The following TVP23A variants were observed in gnomAD, a reference collection of about 807,000 sequenced individuals.
TVP23A encodes trans-golgi network vesicle protein 23 homolog A.
In TVP23A, 21 loss-of-function variants were observed where a neutral mutation model predicts 31.7. The ratio of observed to expected loss-of-function variants is 0.66; its 90% CI spans 0.47 to 0.95. The LOEUF is 0.95. Among genes scored for constraint, TVP23A ranks in the 40% least tolerant of loss-of-function variants. The pLI is 0.00. For missense variants in TVP23A, 279 were observed against 255.6 expected (o/e 1.09, Z -0.62); for synonymous variants, 104 against 96.0 (o/e 1.08, Z -0.49).
At chr16:10,758,967 C>T (rs995635844), downstream of TVP23A, among the ~76,000 whole-genome samples, 2 of 152,190 alleles carry the variant, frequency 1.3e-5, no homozygotes, top group African/African-American at 4.8e-5. Context: ...TGGTGCTATC[C>T]ATCTCAGGGG....
intron 5 of TVP23A, 33 bp downstream of exon 5, chr16:10,773,280 C>A: frequency 6.4e-7 from 1 of 1,568,798 alleles, no homozygotes; most frequent in South Asian, 1.2e-5. Flanking sequence ...GCAGAGACAT[C>A]AAAGCAATGT....
downstream of TVP23A, among the ~76,000 whole-genome samples, chr16:10,758,881 G>A (rs1900751548): frequency 6.6e-6 from 1 of 152,176 alleles, no homozygotes; most frequent in African/African-American, 2.4e-5. Context: ...GGCCCATGGT[G>A]AGCCCGAGCT....
chr16:10,809,244 A>C (rs1470494905), intron 2 of TVP23A, among the ~76,000 whole-genome samples: 1 of 152,196 alleles, frequency 6.6e-6, no homozygotes, highest in Non-Finnish European at 1.5e-5. Flanking sequence ...GGTACCCAGA[A>C]GGTGTCATGG....
chr16:10,773,890 C>A, intron 4 of TVP23A, 149 bp downstream of exon 4: 2 of 656,268 alleles, frequency 3.0e-6, no homozygotes, highest in Admixed American at 5.8e-5. Flanking sequence ...GACACTTTTG[C>A]CACACCCATG....
At position 10,779,863 on chromosome 16, in the gene TVP23A, C is replaced by T. The variant is rs371186264; in HGVS notation, c.90-4767G>A. ...CAGCCCTTTGGGAAGCTGAGGCAGG[C>T]AGATCACTTGAGCTCAGGAGTTCGA... On this transcript the variant is annotated intron_variant, in intron 2 of 7. Transcript: ENST00000299866. This position sits in a 1 kb window ranked among gnomAD's most constrained non-coding sequence, Gnocchi z 4.9. Among the ~76,000 whole-genome samples, 33 of 152,242 alleles carry T rather than the reference C, an allele frequency of 2.2e-4. No individual in the cohort carries two copies. The highest frequency in any genetic ancestry group is 7.9e-4 in the African/African-American group (33 of 41,534).
In TVP23A at chr16:10,774,086, G is replaced by T; in HGVS notation, c.277C>A (p.Gln93Lys). ...TGGCTCTTCCCATCTTCATCTATCTGGTTCCACCATCGAAGGCCCACCAGG... is the reference window on the plus strand; with the variant it reads ...TGGCTCTTCCCATCTTCATCTATCTTGTTCCACCATCGAAGGCCCACCAGG... ...RLLVGLRWWN[Q>K]IDEDGKSHWI... Residue 93 changes from glutamine (Q) to lysine (K), a missense_variant, in exon 4 of 8, where the codon CAG becomes AAG. Coordinates refer to ENST00000299866, the MANE Select transcript of TVP23A (RefSeq NM_001079512.4). The T allele has an allele frequency of 6.2e-7, 1 of 1,611,980 alleles. No homozygotes were observed. The highest frequency in any genetic ancestry group is 2.2e-5 in the East Asian group (1 of 44,860).
chr16:10,759,640 G>T (rs1900802717), downstream of TVP23A, among the ~76,000 whole-genome samples: 1 of 152,164 alleles, frequency 6.6e-6, no homozygotes, highest in Admixed American at 6.5e-5. This position sits in a 1 kb window ranked among gnomAD's most constrained non-coding sequence, Gnocchi z 4.7. Context: ...GCCAGGCGTG[G>T]TGGTGGGCAC....
At position 10,775,040 on chromosome 16, in the gene TVP23A, T is replaced by C; in HGVS notation, c.146A>G (p.Tyr49Cys). The change falls in exon 3 of 8, where the codon TAC (tyrosine) becomes TGC (cysteine). Residue 49 changes from tyrosine to cysteine, a missense_variant. Tyr to Cys is a radical substitution (Grantham distance 194). Coordinates refer to ENST00000299866, the MANE Select transcript of TVP23A (RefSeq NM_001079512.4). ...CTTGCTGAACCAGTCGCAGCTCACG[T>C]AGGTGACGATGGCACTCACTCGGAA... ...LFFRVSAIVT[Y>C]VSCDWFSKSF... 4 of 1,612,062 alleles carry C rather than the reference T, an allele frequency of 2.5e-6. No individual in the cohort carries two copies. Among genetic ancestry groups the C allele is most frequent in the South Asian group, 1.1e-5 (1 of 90,640 alleles).
downstream of TVP23A, among the ~76,000 whole-genome samples, chr16:10,762,477 T>A (rs2030083344): frequency 6.6e-6 from 1 of 152,104 alleles, no homozygotes; most frequent in South Asian, 2.1e-4. Context: ...GGGCGCCCAC[T>A]CGCCGCGGGG....
intron 2 of TVP23A, among the ~76,000 whole-genome samples, chr16:10,803,582 T>C (rs2033810288): frequency 6.6e-6 from 1 of 152,148 alleles, no homozygotes; most frequent in Non-Finnish European, 1.5e-5. Flanking sequence ...ATGACCACTG[T>C]CTAATGAGAA....
intron 2 of TVP23A, among the ~76,000 whole-genome samples, chr16:10,814,493 CG>C (rs1261493946): frequency 6.6e-6 from 1 of 152,128 alleles, no homozygotes; most frequent in Non-Finnish European, 1.5e-5. Flanking sequence ...ACCAGCAAGG[CG>C]GGCCGATTCT....
intron 2 of TVP23A, among the ~76,000 whole-genome samples, chr16:10,815,696 T>C (rs891866652): frequency 1.3e-5 from 2 of 152,186 alleles, no homozygotes; most frequent in African/African-American, 2.4e-5. Flanking sequence ...CTGCCCTAGA[T>C]TGGGCAATCT....
At chr16:10,758,087 TCCTA>T, downstream of TVP23A, 1 of 1,575,974 alleles carries the variant, frequency 6.3e-7, no homozygotes. Context: ...GAGATTTCTT[TCCTA>T]CCTGGCTCTG....
chr16:10,794,384 G>C (rs2033272425), intron 2 of TVP23A, among the ~76,000 whole-genome samples: 1 of 152,162 alleles, frequency 6.6e-6, no homozygotes, highest in Non-Finnish European at 1.5e-5. Flanking sequence ...TTAGGGGCCT[G>C]CCCTACTCCA....
At position 10,797,285 on chromosome 16, in the gene TVP23A, C is replaced by T. The variant is rs138862764; in HGVS notation, c.89+20818G>A. On this transcript the variant is annotated intron_variant, in intron 2 of 7. Coordinates refer to ENST00000299866, the MANE Select transcript of TVP23A (RefSeq NM_001079512.4). Reference sequence around the variant, plus strand: ...GCAGTGGTTCATGGCCTTTGGGAGCCACTTTGGGAGGCCGAGACGGGCGGA... The same window carrying T: ...GCAGTGGTTCATGGCCTTTGGGAGCTACTTTGGGAGGCCGAGACGGGCGGA... Among the ~76,000 whole-genome samples, 426 of 151,888 alleles carry T rather than the reference C, an allele frequency of 2.8e-3. 2 individuals are homozygous for T. Among genetic ancestry groups the T allele is most frequent in the Non-Finnish European group, 5.5e-3 (376 of 67,934 alleles).
At chr16:10,783,451 A>G (rs2142952821) in intron 2 of TVP23A, among the ~76,000 whole-genome samples, 1 of 152,310 alleles carries the variant, frequency 6.6e-6, no homozygotes, top group Admixed American at 6.5e-5. Context: ...TGAGGTGGGC[A>G]GATCACTTGA....
downstream of TVP23A, among the ~76,000 whole-genome samples, chr16:10,760,318 G>A (rs995435523): frequency 1.3e-5 from 2 of 152,230 alleles, no homozygotes; most frequent in Non-Finnish European, 2.9e-5. Context: ...GGCTGGTTCC[G>A]GAGGAACTTT....
At chr16:10,809,147 T>A (rs1265304733) in intron 2 of TVP23A, among the ~76,000 whole-genome samples, 1 of 152,218 alleles carries the variant, frequency 6.6e-6, no homozygotes, top group African/African-American at 2.4e-5. Context: ...CCAGGTCCCC[T>A]AAACACATTG....
chr16:10,810,703 A>G (rs533195503), intron 2 of TVP23A, among the ~76,000 whole-genome samples: 67 of 152,180 alleles, frequency 4.4e-4, no homozygotes, highest in Non-Finnish European at 8.8e-4. Context: ...AGCCGTCCTC[A>G]TCTCCTCTCA....
Sources: allele counts gnomAD v4.1 joint callset (sites outside exome capture counted in the v4.1 genomes callset), GRCh38; gene constraint gnomAD v4.1.1; non-coding constraint Gnocchi (gnomAD v3.1); transcripts MANE v1.5; gene names NCBI Gene and HGNC (gene_info 2026-07-23, HGNC 2026-07-21).